Variants in TAFA5 observed in about 807,000 individuals in gnomAD.
TAFA5 encodes TAFA chemokine like family member 5.
TAFA5 carries 6 observed loss-of-function variants against 15.3 expected under a neutral mutation model. The ratio of observed to expected loss-of-function variants is 0.39; its 90% CI spans 0.21 to 0.77. TAFA5 has a LOEUF of 0.77. Among genes scored for constraint, TAFA5 ranks in the 30% least tolerant of loss-of-function variants. The pLI, the probability that TAFA5 is intolerant of heterozygous loss-of-function variation, is 0.41. For missense variants in TAFA5, 161 were observed against 193.1 expected (o/e 0.83, Z 0.98); for synonymous variants, 103 against 80.7 (o/e 1.28, Z -1.48).
intron 3 of TAFA5, among the ~76,000 whole-genome samples, chr22:48,718,683 C>T (rs367569966): frequency 1.3e-5 from 2 of 152,322 alleles, no homozygotes; most frequent in East Asian, 3.9e-4. Context: ...TCCCCCGGCC[C>T]CGTGAGGTCA....
At chr22:48,671,954 A>G (rs1030964253) in intron 2 of TAFA5, among the ~76,000 whole-genome samples, 1 of 152,214 alleles carries the variant, frequency 6.6e-6, no homozygotes, top group Non-Finnish European at 1.5e-5. Context: ...TGGGTCTTGT[A>G]CATAGTAGCT....
At chr22:48,672,762 T>C (rs1338158143) in intron 2 of TAFA5, among the ~76,000 whole-genome samples, 1 of 152,238 alleles carries the variant, frequency 6.6e-6, no homozygotes, top group Non-Finnish European at 1.5e-5. Flanking sequence ...GCATGGGAAG[T>C]TCAGATTTAG....
At chr22:48,624,410 G>A (rs1925955262) in intron 1 of TAFA5, among the ~76,000 whole-genome samples, 1 of 152,018 alleles carries the variant, frequency 6.6e-6, no homozygotes, top group African/African-American at 2.4e-5. Context: ...CACTTATGGA[G>A]TGGGGGAGGG....
chr22:48,677,640 C>T (rs761118857), intron 2 of TAFA5, among the ~76,000 whole-genome samples: 1 of 152,212 alleles, frequency 6.6e-6, no homozygotes, highest in Non-Finnish European at 1.5e-5. Context: ...TTCTCCTCCC[C>T]GAGGCCTCCC....
chr22:48,503,650 C>G (rs1354713981), intron 1 of TAFA5, among the ~76,000 whole-genome samples: 1 of 152,212 alleles, frequency 6.6e-6, no homozygotes, highest in Non-Finnish European at 1.5e-5. Context: ...ATTAGTGTTT[C>G]ATTGATGAAA....
At chr22:48,740,075 C>G (rs1930137046) in intron 3 of TAFA5, among the ~76,000 whole-genome samples, 1 of 152,206 alleles carries the variant, frequency 6.6e-6, no homozygotes, top group Admixed American at 6.5e-5. Flanking sequence ...CATGCCCATC[C>G]CAGCTGGCTT....
Position 48,545,474 on chromosome 22 carries a change from T to G in TAFA5, c.112+55770T>G, listed in dbSNP as rs567878096. The G allele has an allele frequency of 1.2e-4, 20 of 160,132 alleles. No homozygotes were observed. The South Asian group carries it at 3.7e-3, about 30-fold the overall frequency. 9.9% of individuals were successfully genotyped at this position (160,132 alleles called of 1,614,324 possible). ...CAGCACACAGTAGGTGCTTAATGAA[T>G]GTTTCTGGGTTATGCAGTGATTACT... is the stretch of plus-strand genomic sequence containing the variant. On this transcript the variant is annotated intron_variant, in intron 1 of 3. Coordinates refer to ENST00000402357, the MANE Select transcript of TAFA5 (RefSeq NM_001082967.3).
intron 3 of TAFA5, among the ~76,000 whole-genome samples, chr22:48,739,985 T>A (rs1930135035): frequency 6.6e-6 from 1 of 152,098 alleles, no homozygotes; most frequent in Admixed American, 6.5e-5. Context: ...GTCGGCTTTC[T>A]AAGTGGGAGT....
At chr22:48,699,155 A>G (rs1276609336) in intron 2 of TAFA5, among the ~76,000 whole-genome samples, 1 of 151,602 alleles carries the variant, frequency 6.6e-6, no homozygotes, top group Non-Finnish European at 1.5e-5. Flanking sequence ...CTGGTCTCGA[A>G]CTCCTGACCT....
Position 48,511,189 on chromosome 22 carries a change from G to A in TAFA5, c.112+21485G>A, listed in dbSNP as rs924543591. On this transcript the variant is annotated intron_variant, in intron 1 of 3. Transcript: ENST00000402357. The stretch of plus-strand genomic sequence containing the variant: ...CCCAGACCCCAATGACTCCCCTGTC[G>A]CTTCTTCTTCATGTGTGGACAGGAG... Among the ~76,000 whole-genome samples the A allele has an allele frequency of 3.9e-5, 6 of 152,308 alleles. No individual in the cohort carries two copies. The South Asian group carries it at 8.3e-4, about 21-fold the overall frequency.
intron 1 of TAFA5, among the ~76,000 whole-genome samples, chr22:48,533,358 G>A (rs1027013614): frequency 2.0e-5 from 3 of 152,198 alleles, no homozygotes; most frequent in Non-Finnish European, 4.4e-5. Flanking sequence ...TCTGCAGAAG[G>A]CGACCCCAGC....
Position 48,608,502 on chromosome 22 carries a change from G to A in TAFA5, c.113-38095G>A, listed in dbSNP as rs116056449. Reference sequence around the variant, plus strand: ...TCCACTTGGGGCCACGTGGATTGGTGTCCATGTAGGAAGTCATCTTAGTGA... The same window carrying A: ...TCCACTTGGGGCCACGTGGATTGGTATCCATGTAGGAAGTCATCTTAGTGA... On this transcript the variant is annotated intron_variant, in intron 1 of 3. Coordinates refer to ENST00000402357, the MANE Select transcript of TAFA5 (RefSeq NM_001082967.3). 7.7e-3 allele frequency among the ~76,000 whole-genome samples: 1,172 copies of A among 152,144 alleles called. 18 individuals are homozygous for A. Among genetic ancestry groups the A allele is most frequent in the African/African-American group, 0.026 (1,096 of 41,508 alleles).
intron 1 of TAFA5, among the ~76,000 whole-genome samples, chr22:48,605,163 T>C: frequency 6.9e-6 from 1 of 145,000 alleles, no homozygotes; most frequent in African/African-American, 2.6e-5. Context: ...ATGGTGGTTA[T>C]GATTATGATA....
intron 2 of TAFA5, among the ~76,000 whole-genome samples, chr22:48,677,511 G>A (rs1443685058): frequency 6.6e-6 from 1 of 152,182 alleles, no homozygotes; most frequent in Non-Finnish European, 1.5e-5. Flanking sequence ...CTGACCAGAG[G>A]GGCCAATCAG....
At chr22:48,663,991 C>T (rs1927530869) in intron 2 of TAFA5, among the ~76,000 whole-genome samples, 1 of 152,212 alleles carries the variant, frequency 6.6e-6, no homozygotes, top group African/African-American at 2.4e-5. Flanking sequence ...AAAAAAATCA[C>T]ATGCTGAGGT....
chr22:48,717,514 G>T (rs1665511447), intron 3 of TAFA5, among the ~76,000 whole-genome samples: 1 of 152,228 alleles, frequency 6.6e-6, no homozygotes, highest in Admixed American at 6.5e-5. Flanking sequence ...AAATATGCAG[G>T]CATTCAGGGA....
chr22:48,555,999 G>A (rs550874892), intron 1 of TAFA5, among the ~76,000 whole-genome samples: 1 of 152,314 alleles, frequency 6.6e-6, no homozygotes, highest in Non-Finnish European at 1.5e-5. Flanking sequence ...GTCCTGTCCT[G>A]TGGGCAGAGT....
In TAFA5 at chr22:48,516,807, G is replaced by A. The variant is rs75355962; in HGVS notation, c.112+27103G>A. Reference sequence around the variant, plus strand: ...GCCAGGCCAGTGCTGACCCACCTCCGGGACACTGCATGTGGCCCTCACAGT... The same window carrying A: ...GCCAGGCCAGTGCTGACCCACCTCCAGGACACTGCATGTGGCCCTCACAGT... On this transcript the variant is annotated intron_variant, in intron 1 of 3. Transcript: ENST00000402357. 0.018 allele frequency among the ~76,000 whole-genome samples: 2,696 copies of A among 152,272 alleles called. 121 individuals carry two copies. The East Asian group carries it at 0.18, about 10-fold the overall frequency.
intron 1 of TAFA5, among the ~76,000 whole-genome samples, chr22:48,581,964 C>G (rs1924062480): frequency 6.6e-6 from 1 of 152,114 alleles, no homozygotes; most frequent in African/African-American, 2.4e-5. Flanking sequence ...GCGAAGCACG[C>G]AGCTGTGGGT....
Sources: allele counts gnomAD v4.1 joint callset (sites outside exome capture counted in the v4.1 genomes callset), GRCh38; gene constraint gnomAD v4.1.1; transcripts MANE v1.5; gene names NCBI Gene and HGNC (gene_info 2026-07-23, HGNC 2026-07-21).